Variants in EPHA3 observed in about 807,000 individuals in gnomAD.
The protein encoded by EPHA3 is EPH receptor A3.
Under a neutral mutation model 107.1 loss-of-function variants are expected in EPHA3, and 42 were observed. The observed-to-expected ratio is 0.39, with a 90% CI of 0.31 to 0.51. The LOEUF is 0.51. Among genes scored for constraint, EPHA3 ranks in the 20% least tolerant of loss-of-function variants. The pLI is 0.78. For synonymous variants in EPHA3, 461 were observed against 424.8 expected (o/e 1.09, Z -1.05); for missense variants, 1,183 against 1,211.2 (o/e 0.98, Z 0.35).
chr3:89,477,582 A>C (rs1254873913), intron 16 of EPHA3, among the ~76,000 whole-genome samples: 1 of 151,810 alleles, frequency 6.6e-6, no homozygotes. Context: ...TTCTTTCTTT[A>C]TGCTCAGTAT....
intron 10 of EPHA3, among the ~76,000 whole-genome samples, chr3:89,416,134 T>C (rs1462246195): frequency 1.3e-5 from 2 of 151,452 alleles, no homozygotes; most frequent in Admixed American, 6.6e-5. Flanking sequence ...AAATGTCGGC[T>C]TTTTTTAATT....
chr3:89,427,399 G>A (rs1559692341), intron 11 of EPHA3, among the ~76,000 whole-genome samples: 1 of 151,808 alleles, frequency 6.6e-6, no homozygotes, highest in Non-Finnish European at 1.5e-5. Context: ...CATCAGAATG[G>A]CAAACTAACC....
At chr3:89,392,680 G>C (rs1445612505) in intron 5 of EPHA3, among the ~76,000 whole-genome samples, 1 of 151,882 alleles carries the variant, frequency 6.6e-6, no homozygotes, top group African/African-American at 2.4e-5. Flanking sequence ...AAATAAATCT[G>C]TCATACAGTG....
At chr3:89,251,810 A>G (rs1419960512) in intron 3 of EPHA3, among the ~76,000 whole-genome samples, 1 of 152,124 alleles carries the variant, frequency 6.6e-6, no homozygotes, top group African/African-American at 2.4e-5. Flanking sequence ...AAAAAATCAG[A>G]TTGATTAGCA....
intron 2 of EPHA3, among the ~76,000 whole-genome samples, chr3:89,203,624 AAAAT>A (rs966951654): frequency 7.2e-5 from 11 of 151,804 alleles, no homozygotes; most frequent in Non-Finnish European, 1.5e-4. Context: ...AAAAATACAA[AAAAT>A]CAGCCGGGCG....
chr3:89,333,566 A>G (rs1443932400), intron 3 of EPHA3, among the ~76,000 whole-genome samples: 2 of 152,182 alleles, frequency 1.3e-5, no homozygotes, highest in South Asian at 2.1e-4. Flanking sequence ...GATTAGCAAG[A>G]AAAGGGTAAA....
At chr3:89,448,001 A>G (rs1482119464) in intron 13 of EPHA3, among the ~76,000 whole-genome samples, 1 of 152,114 alleles carries the variant, frequency 6.6e-6, no homozygotes, top group Non-Finnish European at 1.5e-5. Context: ...TCTTTGAAAT[A>G]TCCATCCCTT....
chr3:89,335,734 T>C (rs2067847), intron 3 of EPHA3, among the ~76,000 whole-genome samples: 2,850 of 152,276 alleles, frequency 0.019, 293 homozygotes, highest in Admixed American at 0.16. Flanking sequence ...GGAGAAAGCA[T>C]CTCTGGAGCC....
chr3:89,385,338 C>T (rs1275076301), intron 5 of EPHA3, among the ~76,000 whole-genome samples: 1 of 152,166 alleles, frequency 6.6e-6, no homozygotes, highest in African/African-American at 2.4e-5. Context: ...CCACAATCCC[C>T]ACATGTTATG....
intron 13 of EPHA3, among the ~76,000 whole-genome samples, chr3:89,443,712 T>C (rs1709826851): frequency 6.6e-6 from 1 of 152,090 alleles, no homozygotes; most frequent in Non-Finnish European, 1.5e-5. Flanking sequence ...AAATAAGACA[T>C]ACTTTAAACT....
intron 3 of EPHA3, among the ~76,000 whole-genome samples, chr3:89,245,204 T>A (rs1705003449): frequency 6.6e-6 from 1 of 152,230 alleles, no homozygotes; most frequent in Admixed American, 6.5e-5. Context: ...AAGATTTATG[T>A]ACTCTTTATG....
At chr3:89,380,147 A>T (rs77655922) in intron 5 of EPHA3, among the ~76,000 whole-genome samples, 2 of 152,188 alleles carry the variant, frequency 1.3e-5, no homozygotes, top group African/African-American at 4.8e-5. Flanking sequence ...CCACCATATT[A>T]AAAAAATTTT....
intron 11 of EPHA3, among the ~76,000 whole-genome samples, chr3:89,420,605 T>TA (rs1709334242): frequency 6.6e-6 from 1 of 151,532 alleles, no homozygotes; most frequent in African/African-American, 2.4e-5. Context: ...TAATAATTAA[T>TA]AAAAATGGGC....
At chr3:89,175,862 C>T (rs1705310486) in intron 2 of EPHA3, among the ~76,000 whole-genome samples, 1 of 152,074 alleles carries the variant, frequency 6.6e-6, no homozygotes, top group African/African-American at 2.4e-5. Flanking sequence ...CAAAAACATC[C>T]TATTCTCCAG....
intron 2 of EPHA3, among the ~76,000 whole-genome samples, chr3:89,128,314 T>C (rs1231485001): frequency 6.6e-6 from 1 of 152,080 alleles, no homozygotes; most frequent in African/African-American, 2.4e-5. Flanking sequence ...ACTTTGACAA[T>C]ATGCCAAAAC....
At position 89,378,521 on chromosome 3, in the gene EPHA3, TAA is replaced by T. The variant is rs368908776; in HGVS notation, c.1307-17315_1307-17314del. ...CAAAAAATCTCATCATGAAAAGGCT[TAA>T]GTTTACTTCACAAGCTTGGAAATAA... On this transcript the variant is annotated intron_variant, in intron 5 of 16. Coordinates refer to ENST00000336596, the MANE Select transcript of EPHA3 (RefSeq NM_005233.6). Among the ~76,000 whole-genome samples the T allele has an allele frequency of 2.3e-3, 353 of 152,308 alleles. No individual in the cohort carries two copies. In the South Asian group the frequency reaches 0.024, roughly 10 times the overall value.
intron 1 of EPHA3, among the ~76,000 whole-genome samples, chr3:89,122,487 C>A (rs1707413377): frequency 1.3e-5 from 2 of 152,102 alleles, no homozygotes; most frequent in Non-Finnish European, 2.9e-5. Context: ...GCAACTATAG[C>A]CTTACCACAA....
intron 5 of EPHA3, among the ~76,000 whole-genome samples, chr3:89,345,606 C>CA (rs1553684271): frequency 7.3e-6 from 1 of 136,656 alleles, no homozygotes; most frequent in Admixed American, 7.4e-5. Flanking sequence ...GTGACAATTT[C>CA]TTTTTTTTTT....
chr3:89,370,699 C>T (rs1306191901), intron 5 of EPHA3, among the ~76,000 whole-genome samples: 1 of 149,672 alleles, frequency 6.7e-6, no homozygotes, highest in African/African-American at 2.5e-5. Flanking sequence ...TGTATATAGA[C>T]AAAAAAATAA....
Sources: allele counts gnomAD v4.1 joint callset (sites outside exome capture counted in the v4.1 genomes callset), GRCh38; gene constraint gnomAD v4.1.1; transcripts MANE v1.5; gene names NCBI Gene and HGNC (gene_info 2026-07-23, HGNC 2026-07-21).